Variants in GNPTAB observed in about 807,000 individuals in gnomAD.
GNPTAB encodes the protein N-acetylglucosamine-1-phosphate transferase subunits alpha and beta.
A neutral mutation model predicts 136.6 loss-of-function variants in GNPTAB; 92 were observed. The ratio of observed to expected loss-of-function variants is 0.67; its 90% CI spans 0.57 to 0.80. The LOEUF (loss-of-function observed/expected upper bound fraction) is 0.80. Among genes scored for constraint, GNPTAB ranks in the 30% least tolerant of loss-of-function variants. The pLI, the probability that GNPTAB is intolerant of heterozygous loss-of-function variation, is 0.00. For missense variants in GNPTAB, 1,343 were observed against 1,501.8 expected (o/e 0.89, Z 1.75); for synonymous variants, 512 against 535.1 (o/e 0.96, Z 0.60).
chr12:101,814,522 C>G (rs1042672599), intron 1 of GNPTAB, among the ~76,000 whole-genome samples: 2 of 151,986 alleles, frequency 1.3e-5, no homozygotes, highest in African/African-American at 4.8e-5. Context: ...CATGGTGAAA[C>G]CCTGTCTCTA....
chr12:101,757,353 G>T, intron 17 of GNPTAB, 43 bp from the exon 18 acceptor site: 1 of 1,157,302 alleles, frequency 8.6e-7, no homozygotes, highest in Non-Finnish European at 1.3e-6. Flanking sequence ...TAATTACATG[G>T]ATATAAAAAA....
rs763013681 is a variant in GNPTAB at position 101,765,005 on chromosome 12, C to T, written c.1912G>A (p.Gly638Arg). 7 of 1,613,994 alleles carry T rather than the reference C, an allele frequency of 4.3e-6. No individual in the cohort carries two copies. The Admixed American group carries it at 1.2e-4, about 27-fold the overall frequency. Residue 638 changes from glycine (G) to arginine (R), a missense_variant, in exon 13 of 21, where the codon GGA becomes AGA. Transcript: ENST00000299314. ...TGGGCTGTAGAATTCAGTTTTGGTC[C>T]CTCCCTTGTGTCCACCTCCACTGTT... The part of the protein sequence containing the change: ...QITVEVDTRE[G>R]PKLNSTAQKG...
At chr12:101,791,383 T>G (rs1032548560) in intron 2 of GNPTAB, among the ~76,000 whole-genome samples, 2 of 151,872 alleles carry the variant, frequency 1.3e-5, no homozygotes, top group African/African-American at 4.8e-5. Flanking sequence ...ATCTTTTGGC[T>G]TCCCTGGGCC....
intron 17 of GNPTAB, 125 bp from the exon 18 acceptor site, chr12:101,757,435 T>C: frequency 1.3e-6 from 1 of 757,798 alleles, no homozygotes; most frequent in South Asian, 1.6e-5. Flanking sequence ...CTTAAACTTT[T>C]AATACTACTA....
chr12:101,809,147 A>G (rs1870093189), intron 1 of GNPTAB, among the ~76,000 whole-genome samples: 1 of 152,222 alleles, frequency 6.6e-6, no homozygotes. Context: ...ATACCCAACC[A>G]AAGAAAACAT....
chr12:101,770,047 A>T lies in GNPTAB; in HGVS notation c.1258T>A (p.Phe420Ile). The T allele has an allele frequency of 6.2e-7, 1 of 1,614,120 alleles. No homozygotes were observed. The stretch of plus-strand genomic sequence containing the variant: ...TTCTGGCCTTTGGAGTGACTGTAAA[A>T]ATCATCTGGCCAGACATCCTTCCCA... ...MFGKDVWPDD[F>I]YSHSKGQKVY... is the part of the protein sequence containing the mutation. The change falls in exon 10 of 21, where the codon TTT (phenylalanine) becomes ATT (isoleucine). Residue 420 changes from phenylalanine to isoleucine, a missense_variant. Physicochemically the swap from Phe to Ile is conservative, Grantham distance 21 (BLOSUM62 0). Transcript: ENST00000299314.
intron 1 of GNPTAB, among the ~76,000 whole-genome samples, chr12:101,828,551 T>C (rs894080518): frequency 1.3e-5 from 2 of 151,906 alleles, no homozygotes; most frequent in African/African-American, 2.4e-5. Flanking sequence ...CCCAGCTACT[T>C]GGGAGGCTGA....
chr12:101,780,489 A>G, intron 6 of GNPTAB, 68 bp downstream of exon 6: 1 of 1,235,500 alleles, frequency 8.1e-7, no homozygotes, highest in South Asian at 1.3e-5. Flanking sequence ...TCAAAGAAAA[A>G]CAGCTTTATT....
rs868739936 is a variant in GNPTAB, at chr12:101,830,747, C to A, written c.-72G>T. On this transcript the variant is annotated 5_prime_UTR_variant, in exon 1 of 21. Coordinates refer to ENST00000299314, the MANE Select transcript of GNPTAB (RefSeq NM_024312.5). ...CGCCGCCGCCGCCGCCTCAGCGAGC[C>A]GCCATTCAGGGGCCCCGGTCGGGCC... 2.5e-5 allele frequency: 24 copies of A among 973,002 alleles called. No individual in the cohort carries two copies. The Middle Eastern group carries it at 1.5e-3, about 61-fold the overall frequency. The allele number at this position is 973,002 out of a possible 1,614,324, so 60.3% of individuals were successfully genotyped here. A position where few individuals can be genotyped will look rare whatever the true frequency, so the allele number is the denominator to read the frequency against.
At chr12:101,797,346 C>T (rs76685450) in intron 1 of GNPTAB, among the ~76,000 whole-genome samples, 2,027 of 152,074 alleles carry the variant, frequency 0.013, 21 homozygotes, top group African/African-American at 0.016. Context: ...AGGGACAGGC[C>T]GGGCACGGTG....
intron 1 of GNPTAB, among the ~76,000 whole-genome samples, chr12:101,798,236 G>A (rs1334594618): frequency 5.3e-5 from 8 of 152,040 alleles, no homozygotes; most frequent in African/African-American, 4.8e-5. Flanking sequence ...CCCTCCTGTC[G>A]CCCTGGTGGC....
rs1952989167 is a variant in GNPTAB at position 101,761,286 on chromosome 12, C to T, written c.2976G>A (p.Gln992=). Residue 992 remains glutamine, a synonymous_variant, in exon 15 of 21, where the codon CAG becomes CAA. Transcript: ENST00000299314. The part of the protein sequence containing the change: ...FHKVRHSEDM[Q]FAFSYFYYLM... ...GATAATAAAAATAAGAGAAGGCAAA[C>T]TGCATATCCTCAGAATGGCGCACTT... The T allele has an allele frequency of 1.2e-6, 2 of 1,614,142 alleles. No homozygotes were observed. The highest frequency in any genetic ancestry group is 1.7e-6 in the Non-Finnish European group (2 of 1,180,028).
At chr12:101,784,347 G>A (rs533246785) in intron 5 of GNPTAB, among the ~76,000 whole-genome samples, 27 of 152,318 alleles carry the variant, frequency 1.8e-4, no homozygotes, top group African/African-American at 6.5e-4. Flanking sequence ...AGCACCACAT[G>A]TGTGAAGACA....
rs1037026945 is a variant in GNPTAB at position 101,796,422 on chromosome 12, C to A, written c.203+255G>T. Reference sequence around the variant, plus strand: ...TTCCTTATTTTAAAAAAATATCTTACGGAATACTTCATGAATTGGTGTGTC... The same window carrying A: ...TTCCTTATTTTAAAAAAATATCTTAAGGAATACTTCATGAATTGGTGTGTC... On this transcript the variant is annotated intron_variant, in intron 2 of 20. Coordinates refer to ENST00000299314, the MANE Select transcript of GNPTAB (RefSeq NM_024312.5). 10 of 640,692 alleles carry A rather than the reference C, an allele frequency of 1.6e-5. No individual in the cohort carries two copies. In the African/African-American group the frequency reaches 1.8e-4, roughly 12 times the overall value. 39.7% of individuals were successfully genotyped at this position (640,692 alleles called of 1,614,324 possible).
At chr12:101,795,978 C>A in intron 2 of GNPTAB, 1 of 384,668 alleles carries the variant, frequency 2.6e-6, no homozygotes, top group Non-Finnish European at 4.6e-6. Context: ...TCCCCAAAGA[C>A]AAGAAATGGT....
intron 16 of GNPTAB, among the ~76,000 whole-genome samples, chr12:101,759,781 C>T (rs992634071): frequency 2.0e-5 from 3 of 152,148 alleles, no homozygotes; most frequent in Admixed American, 2.0e-4. Flanking sequence ...TTTCTGTCAC[C>T]CTTAGTAAAC....
chr12:101,759,610 G>A (rs546255452), intron 16 of GNPTAB, among the ~76,000 whole-genome samples: 6 of 152,098 alleles, frequency 3.9e-5, no homozygotes, highest in Admixed American at 1.3e-4. Context: ...CAATGCAGTC[G>A]TGTGTTAATC....
chr12:101,769,132 A>AT (rs1017050494), intron 10 of GNPTAB, among the ~76,000 whole-genome samples: 10 of 151,524 alleles, frequency 6.6e-5, no homozygotes, highest in Admixed American at 2.6e-4. Flanking sequence ...GTTTACGGTG[A>AT]TAAGTCTCTA....
intron 1 of GNPTAB, among the ~76,000 whole-genome samples, chr12:101,800,604 C>CAAAAAAAAA (rs58129963): frequency 0.012 from 900 of 73,432 alleles, no homozygotes; most frequent in Non-Finnish European, 0.017. Flanking sequence ...ACTAAAAATA[C>CAAAAAAAAA]AAAAAAAAAA....
Sources: gnomAD v4.1 joint callset for allele counts (sites outside exome capture counted in the v4.1 genomes callset) on GRCh38, gnomAD v4.1.1 for gene constraint, MANE v1.5 for transcripts, NCBI Gene and HGNC (gene_info 2026-07-23, HGNC 2026-07-21) for gene names.